The following MGRN1 variants were observed in gnomAD, a reference collection of about 807,000 sequenced individuals.
The protein encoded by MGRN1 is E3 ubiquitin-protein ligase MGRN1.
In MGRN1, 29 loss-of-function variants were observed where a neutral mutation model predicts 69.2. The ratio of observed to expected loss-of-function variants is 0.42; its 90% confidence interval spans 0.31 to 0.57. MGRN1 has a LOEUF of 0.57. Ranked by LOEUF, MGRN1 falls within the 20% of genes least tolerant of loss-of-function variation. The pLI, the probability that MGRN1 is intolerant of heterozygous loss-of-function variation, is 0.15. For missense variants in MGRN1, 998 were observed against 796.2 expected, an observed-to-expected ratio of 1.25 and a Z score of -3.05; for synonymous variants, 470 against 344.2, an observed-to-expected ratio of 1.37 and a Z score of -4.04.
Position 4,681,485 on chromosome 16 carries a change from G to A in MGRN1, c.1132-65G>A, listed in dbSNP as rs1189849081. 9 of 1,476,088 alleles carry A rather than the reference G, an allele frequency of 6.1e-6. No homozygotes were observed. The Admixed American group carries it at 1.7e-4, about 27-fold the overall frequency. The allele number at this position is 1,476,088 out of a possible 1,614,324, so 91.4% of individuals were successfully genotyped here. On this transcript the variant is annotated intron_variant, in intron 12 of 16. Coordinates refer to ENST00000262370, the MANE Select transcript of MGRN1 (RefSeq NM_015246.4). ...GAACAGAGTGGACAGGAGGTCATCA[G>A]GAGGAGCGTCTGGGGAGCAGGTGGT...
At chr16:4,684,908 C>T (rs1020722623) in intron 16 of MGRN1, among the ~76,000 whole-genome samples, 2 of 152,218 alleles carry the variant, frequency 1.3e-5, no homozygotes, top group Admixed American at 6.5e-5. Context: ...ATTGCTCAAT[C>T]CTCCTGAGTC....
At chr16:4,677,654 C>A in intron 11 of MGRN1, 82 bp downstream of exon 11, 2 of 1,320,164 alleles carry the variant, frequency 1.5e-6, no homozygotes, top group Non-Finnish European at 2.1e-6. Context: ...GACGGTCCAG[C>A]CAGCAGCCCC....
chr16:4,638,980 T>C (rs114254118), intron 1 of MGRN1, among the ~76,000 whole-genome samples: 4,152 of 152,218 alleles, frequency 0.027, 206 homozygotes, highest in African/African-American at 0.096. Context: ...TGGCTGACAG[T>C]GCAGGCTCTG....
chr16:4,672,114 C>T (rs910192479), intron 9 of MGRN1, among the ~76,000 whole-genome samples: 2 of 152,168 alleles, frequency 1.3e-5, no homozygotes, highest in Non-Finnish European at 2.9e-5. Flanking sequence ...CCATGTTGGC[C>T]AGGATGGTCT....
Position 4,689,057 on chromosome 16 carries a change from GCA to G in MGRN1, c.*152_*153del. 1 of 1,099,464 alleles carries G rather than the reference GCA, an allele frequency of 9.1e-7. No homozygotes were observed. The highest frequency in any genetic ancestry group is 2.6e-5 in the East Asian group (1 of 37,820). 68.1% of individuals were successfully genotyped at this position (1,099,464 alleles called of 1,614,324 possible). A position where few individuals can be genotyped will look rare whatever the true frequency, so the allele number is the denominator to read the frequency against. On this transcript the variant is annotated 3_prime_UTR_variant, in exon 17 of 17. Coordinates refer to ENST00000262370, the MANE Select transcript of MGRN1 (RefSeq NM_015246.4). ...GGCCGTGGTGACTCTTGATCAAAGA[GCA>G]CAGTGAACTGTCCCTTCTGAGTCTC... is the stretch of plus-strand genomic sequence containing the variant.
intron 5 of MGRN1, chr16:4,664,401 T>G: frequency 4.8e-6 from 2 of 414,002 alleles, no homozygotes; most frequent in Non-Finnish European, 8.8e-6. Flanking sequence ...CGTGTGGGGT[T>G]TCCGTTTGGG....
At chr16:4,686,983 G>A in intron 16 of MGRN1, 1 of 985,532 alleles carries the variant, frequency 1.0e-6, no homozygotes, top group Non-Finnish European at 1.2e-6. Context: ...GTCCTGTCCT[G>A]AGGGCGTCCG....
intron 8 of MGRN1, among the ~76,000 whole-genome samples, chr16:4,670,734 C>G (rs889091458): frequency 5.3e-5 from 8 of 151,950 alleles, no homozygotes; most frequent in Non-Finnish European, 1.2e-4. Context: ...GCAGCAAACT[C>G]TAGCAGGTCC....
intron 5 of MGRN1, chr16:4,664,334 A>G (rs1034688712): frequency 2.8e-4 from 87 of 308,810 alleles, no homozygotes; most frequent in Admixed American, 2.9e-4. Flanking sequence ...CAGGAAGCAC[A>G]TGGTGGCTGC....
At chr16:4,686,143 GT>G in intron 16 of MGRN1, 1 of 1,240,610 alleles carries the variant, frequency 8.1e-7, no homozygotes. Context: ...GCAGCAGAGT[GT>G]TTGTTTCTAG....
chr16:4,650,437 T>C lies in MGRN1; in HGVS notation c.161T>C (p.Phe54Ser). Residue 54 changes from phenylalanine to serine, a missense_variant, in exon 2 of 17, where the codon TTT becomes TCT. Physicochemically the swap from Phe to Ser is radical, Grantham distance 155. Transcript: ENST00000262370. ...ACCCCCCACCCTGAAGGTTACCTCTTTGGAGAGAACATGGATCTGAACTTC... is the reference window on the plus strand; with the variant it reads ...ACCCCCCACCCTGAAGGTTACCTCTCTGGAGAGAACATGGATCTGAACTTC... The part of the protein sequence containing the change: ...FDTPHPEGYL[F>S]GENMDLNFLG... 1 of 1,614,074 alleles carries C rather than the reference T, an allele frequency of 6.2e-7. No homozygotes were observed. The highest frequency in any genetic ancestry group is 8.5e-7 in the Non-Finnish European group (1 of 1,179,952).
At chr16:4,645,929 C>T (rs1019866761) in intron 1 of MGRN1, among the ~76,000 whole-genome samples, 2 of 152,172 alleles carry the variant, frequency 1.3e-5, no homozygotes, top group African/African-American at 4.8e-5. Flanking sequence ...CTAACCAGTG[C>T]TGTGGTTGTA....
At chr16:4,648,024 G>T (rs771040204) in intron 1 of MGRN1, among the ~76,000 whole-genome samples, 1 of 152,150 alleles carries the variant, frequency 6.6e-6, no homozygotes, top group Non-Finnish European at 1.5e-5. Context: ...ACCATGCAGC[G>T]CCTGAAGGTC....
At chr16:4,635,486 T>C (rs1292274360) in intron 1 of MGRN1, among the ~76,000 whole-genome samples, 2 of 152,070 alleles carry the variant, frequency 1.3e-5, no homozygotes, top group Non-Finnish European at 2.9e-5. Context: ...TTTCTTTTTT[T>C]CGAGACAGAG....
chr16:4,652,652 G>C (rs777321523), intron 3 of MGRN1, 26 bp from the exon 4 acceptor site: 2 of 1,593,518 alleles, frequency 1.3e-6, no homozygotes, highest in Non-Finnish European at 1.7e-6. Context: ...CTGACCCGCT[G>C]CCTTTCTCTC....
chr16:4,625,354 G>A (rs1267039305), intron 1 of MGRN1, among the ~76,000 whole-genome samples: 1 of 152,212 alleles, frequency 6.6e-6, no homozygotes, highest in Non-Finnish European at 1.5e-5. Context: ...GAAACCCCGA[G>A]GGCGGGGCGG....
intron 1 of MGRN1, among the ~76,000 whole-genome samples, chr16:4,645,142 TGGCGGG>T (rs2078246855): frequency 2.8e-4 from 2 of 7,162 alleles, no homozygotes; most frequent in South Asian, 4.8e-3. Flanking sequence ...GAGTGAGAGT[TGGCGGG>T]GGTGGGGGTG....
intron 16 of MGRN1, chr16:4,688,386 CCA>C: frequency 3.0e-6 from 3 of 1,007,040 alleles, no homozygotes; most frequent in Non-Finnish European, 3.6e-6. Flanking sequence ...GGGCCGCTCC[CCA>C]CCCCTGCACC....
At chr16:4,633,668 G>A (rs1245622436) in intron 1 of MGRN1, 1 of 152,048 alleles carries the variant, frequency 6.6e-6, no homozygotes, top group East Asian at 1.9e-4. Flanking sequence ...TCCAGCCTGG[G>A]CAACTAGAGC....
Sources: allele counts gnomAD v4.1 joint callset (sites outside exome capture counted in the v4.1 genomes callset), GRCh38; gene constraint gnomAD v4.1.1; transcripts MANE v1.5; gene names NCBI Gene and HGNC (gene_info 2026-07-23, HGNC 2026-07-21).